Variants in NRXN3 observed in about 807,000 individuals in gnomAD.
The protein encoded by NRXN3 is neurexin 3, also known as neurexin III.
Under a neutral mutation model 137.6 loss-of-function variants are expected in NRXN3, and 32 were observed. The observed-to-expected ratio is 0.23, with a 90% CI of 0.18 to 0.31. The LOEUF is 0.31. Ranked by LOEUF, NRXN3 falls within the 10% of genes least tolerant of loss-of-function variation. The pLI is 1.00. For missense variants in NRXN3, 1,574 were observed against 2,062.5 expected (o/e 0.76, Z 4.59); for synonymous variants, 798 against 784.5 (o/e 1.02, Z -0.29).
chr14:79,565,268 T>TGTGTATACATATACGCACAC (rs2097537452), intron 16 of NRXN3, among the ~76,000 whole-genome samples: 2 of 3,758 alleles, frequency 5.3e-4, no homozygotes, highest in Non-Finnish European at 1.3e-3. Context: ...TATACACATG[T>TGTGTATACATATACGCACAC]GTGTGTGTAT....
Position 78,481,925 on chromosome 14 carries a change from TC to T in NRXN3, c.758-163194del, listed in dbSNP as rs80072070. ...CCTTATTTTTTAGGGTATCTCCCCA[TC>T]TTTTTGCCCCAAGAGCCTGAATCAC... On this transcript the variant is annotated intron_variant, in intron 4 of 20. Transcript: ENST00000335750. Among the ~76,000 whole-genome samples, 869 of 152,278 alleles carry T rather than the reference TC, an allele frequency of 5.7e-3. 41 individuals are homozygous for T. In the East Asian group the frequency reaches 0.096, roughly 17 times the overall value.
At chr14:78,917,979 TA>T (rs1158635049) in intron 10 of NRXN3, among the ~76,000 whole-genome samples, 1 of 57,218 alleles carries the variant, frequency 1.7e-5, no homozygotes, top group Admixed American at 1.8e-4. Context: ...AATAAAAAAA[TA>T]AAAAAATGAA....
At chr14:78,184,821 G>T (rs142165802) in intron 1 of NRXN3, among the ~76,000 whole-genome samples, 1 of 152,184 alleles carries the variant, frequency 6.6e-6, no homozygotes. Context: ...AGGGAGTTGC[G>T]CAAGTAGTTG....
chr14:78,805,614 A>C (rs369855036), intron 9 of NRXN3, among the ~76,000 whole-genome samples: 4 of 151,276 alleles, frequency 2.6e-5, no homozygotes, highest in East Asian at 1.9e-4. Flanking sequence ...AAAAAAAAAA[A>C]CAGAACCAAA....
chr14:78,862,303 A>T (rs1349194278), intron 10 of NRXN3, among the ~76,000 whole-genome samples: 1 of 151,944 alleles, frequency 6.6e-6, no homozygotes, highest in Non-Finnish European at 1.5e-5. Flanking sequence ...GCCCTAAAGT[A>T]TGAATGAGCT....
chr14:79,575,751 T>C (rs953658171), intron 16 of NRXN3, among the ~76,000 whole-genome samples: 2 of 152,182 alleles, frequency 1.3e-5, no homozygotes, highest in African/African-American at 4.8e-5. Context: ...TATACATATG[T>C]CTGAGACTTA....
intron 19 of NRXN3, among the ~76,000 whole-genome samples, chr14:79,742,824 T>C (rs992045848): frequency 6.6e-6 from 1 of 152,200 alleles, no homozygotes; most frequent in African/African-American, 2.4e-5. Flanking sequence ...AAATACTTCT[T>C]CATTCTAGGA....
intron 20 of NRXN3, among the ~76,000 whole-genome samples, chr14:79,823,608 T>C (rs1327694326): frequency 1.3e-5 from 2 of 152,070 alleles, no homozygotes; most frequent in African/African-American, 4.8e-5. Flanking sequence ...CAAAAATCGA[T>C]GCAGAGCATG....
chr14:78,836,849 T>C (rs2098998486), intron 10 of NRXN3, among the ~76,000 whole-genome samples: 1 of 152,196 alleles, frequency 6.6e-6, no homozygotes, highest in South Asian at 2.1e-4. Flanking sequence ...AGGGAAGACA[T>C]GGGCTGATGT....
intron 15 of NRXN3, among the ~76,000 whole-genome samples, chr14:79,285,196 A>G (rs1180491863): frequency 1.3e-5 from 2 of 152,210 alleles, no homozygotes; most frequent in African/African-American, 4.8e-5. Flanking sequence ...GCACACACAC[A>G]CACAAAAACT....
intron 4 of NRXN3, among the ~76,000 whole-genome samples, chr14:78,358,905 G>T (rs997204577): frequency 6.6e-5 from 10 of 152,104 alleles, no homozygotes; most frequent in Non-Finnish European, 5.9e-5. Context: ...TTCAGGAAGG[G>T]GCCTCGCAGG....
At chr14:79,567,102 G>A (rs1421691194) in intron 16 of NRXN3, among the ~76,000 whole-genome samples, 2 of 151,980 alleles carry the variant, frequency 1.3e-5, no homozygotes, top group African/African-American at 4.8e-5. Context: ...TCTCTTTGCA[G>A]TTCATTCTTT....
At chr14:79,207,131 A>G (rs940803001) in intron 15 of NRXN3, among the ~76,000 whole-genome samples, 5 of 152,178 alleles carry the variant, frequency 3.3e-5, no homozygotes, top group East Asian at 1.9e-4. Context: ...GCCAGCATCA[A>G]TGAGAAATCT....
At chr14:79,336,369 A>G (rs1402472828) in intron 15 of NRXN3, among the ~76,000 whole-genome samples, 4 of 152,186 alleles carry the variant, frequency 2.6e-5, no homozygotes, top group African/African-American at 7.2e-5. Flanking sequence ...TAATTTCCCA[A>G]AAGAAAACCG....
At chr14:79,212,625 G>T (rs571840772) in intron 15 of NRXN3, among the ~76,000 whole-genome samples, 8 of 152,046 alleles carry the variant, frequency 5.3e-5, no homozygotes, top group Non-Finnish European at 1.0e-4. Flanking sequence ...TCACTATATG[G>T]ATATAATAAA....
chr14:79,792,607 C>T (rs2099148755), intron 19 of NRXN3, among the ~76,000 whole-genome samples: 1 of 152,148 alleles, frequency 6.6e-6, no homozygotes, highest in African/African-American at 2.4e-5. Flanking sequence ...ATATTGATTT[C>T]TTTCAAAGAG....
At chr14:78,367,777 T>C (rs2086201857) in intron 4 of NRXN3, among the ~76,000 whole-genome samples, 1 of 152,192 alleles carries the variant, frequency 6.6e-6, no homozygotes, top group Admixed American at 6.5e-5. Context: ...CATTTAGATT[T>C]CCCCTATCTG....
In NRXN3 at chr14:79,697,929, A is replaced by G; in HGVS notation, c.4006A>G (p.Ser1336Gly). ...AACCCGTAAGAATCGCTCTACAGCC[A>G]GCATTCAGGTAGGCCTTTTTCCAAG... ...TTTRKNRSTA[S>G]IQPTSDDLVS... The change falls in exon 19 of 21, where the codon AGC becomes GGC. Residue 1336 changes from serine (S) to glycine (G), a missense_variant. By Grantham distance (56) the Ser-to-Gly change is moderately conservative. Coordinates refer to ENST00000335750, the MANE Select transcript of NRXN3 (RefSeq NM_001330195.2). 2 of 1,609,290 alleles carry G rather than the reference A, an allele frequency of 1.2e-6. No individual in the cohort carries two copies. The highest frequency in any genetic ancestry group is 1.7e-4 in the Middle Eastern group (1 of 6,032).
chr14:78,746,505 G>C (rs2098608041), intron 8 of NRXN3, among the ~76,000 whole-genome samples: 1 of 152,148 alleles, frequency 6.6e-6, no homozygotes, highest in East Asian at 1.9e-4. Flanking sequence ...AACACTGTTT[G>C]CTGATTTTAC....
Sources: gnomAD v4.1 joint callset for allele counts (sites outside exome capture counted in the v4.1 genomes callset) on GRCh38, gnomAD v4.1.1 for gene constraint, MANE v1.5 for transcripts, NCBI Gene and HGNC (gene_info 2026-07-23, HGNC 2026-07-21) for gene names.